Variants in ZFR2 observed in about 807,000 individuals in gnomAD.
ZFR2 encodes the protein zinc finger RNA-binding protein 2.
ZFR2 carries 104 observed loss-of-function variants against 105.7 expected under a neutral mutation model. That is an observed-to-expected ratio of 0.98 (90% CI 0.84 to 1.16). ZFR2 has a LOEUF of 1.16. Among genes scored for constraint, ZFR2 ranks in the 50% most tolerant of loss-of-function variants. The probability of loss-of-function intolerance (pLI) is 0.00; values close to 1 mark genes in which losing one functional copy is unlikely to be tolerated. For missense variants in ZFR2, 1,425 were observed against 1,355.5 expected, an observed-to-expected ratio of 1.05 and a Z score of -0.80; for synonymous variants, 634 against 597.7, an observed-to-expected ratio of 1.06 and a Z score of -0.89.
chr19:3,817,762 G>A (rs5826827), intron 12 of ZFR2, among the ~76,000 whole-genome samples: 29,882 of 59,946 alleles, frequency 0.5, 5,615 homozygotes, highest in East Asian at 0.67. Flanking sequence ...TCTCAAAAAA[G>A]AAAAAAAAAA....
chr19:3,821,358 C>T lies in ZFR2; in HGVS notation c.1613G>A (p.Arg538His), dbSNP rs760382503. 5.6e-6 allele frequency: 9 copies of T among 1,601,242 alleles called. No individual in the cohort carries two copies. The highest frequency in any genetic ancestry group is 4.5e-5 in the South Asian group (4 of 89,752). ...CGGGCACCTCCTCTCCGCGTGCCAG[C>T]GCCGCAGCTGCTCCAGCCGCTCCTC... ...LAEERLEQLR[R>H]WHAERRRLEE... Residue 538 changes from arginine to histidine, a missense_variant, in exon 10 of 19, where the codon CGC (arginine) becomes CAC (histidine). Transcript: ENST00000262961.
chr19:3,852,376 G>C, intron 1 of ZFR2: 1 of 667,074 alleles, frequency 1.5e-6, no homozygotes. Context: ...TCTGCCCCTG[G>C]AGGGCAGCTA....
In ZFR2 at chr19:3,834,876, G is replaced by A. The variant is rs778392661; in HGVS notation, c.161C>T (p.Pro54Leu). 88 of 1,611,556 alleles carry A rather than the reference G, an allele frequency of 5.5e-5. No individual in the cohort carries two copies. The highest frequency in any genetic ancestry group is 7.0e-5 in the Non-Finnish European group (82 of 1,179,020). ...GGGCTGGTATCCACCGTACCCTGCC[G>A]GGGCAGCTGGGGGAAAGGCCGGGTT... is the stretch of plus-strand genomic sequence containing the variant. ...AVNPAFPPAA[P>L]AGYGGYQPHS... is the part of the protein sequence containing the mutation. The change falls in exon 2 of 19, where the codon CCG becomes CTG. Residue 54 changes from proline (P) to leucine (L), a missense_variant. Coordinates refer to ENST00000262961, the MANE Select transcript of ZFR2 (RefSeq NM_015174.2). This position sits in a 1 kb window ranked among gnomAD's most constrained non-coding sequence, Gnocchi z 5.3.
rs749095590 is a variant in ZFR2, at chr19:3,831,754, G to T, written c.504C>A (p.Tyr168Ter). 1.2e-6 allele frequency: 2 copies of T among 1,609,502 alleles called. No homozygotes were observed. Among genetic ancestry groups the T allele is most frequent in the Non-Finnish European group, 1.7e-6 (2 of 1,178,426 alleles). ...CGGGCTGGACGCCTGTCGCCGTGGG[G>T]TAGGTGTATCCCGAGGACAAGGTGC... is the stretch of plus-strand genomic sequence containing the variant. ...PASTLSSGYT[Y>*]PTATGVQPES... The change falls in exon 4 of 19, where the codon TAC (tyrosine) becomes TAA (stop). Residue 168 changes from tyrosine (Y) to a stop codon, truncating the protein, a stop_gained. Coordinates refer to ENST00000262961, the MANE Select transcript of ZFR2 (RefSeq NM_015174.2). LOFTEE classifies it high-confidence loss of function.
At chr19:3,852,498 C>G (rs1238136333) in intron 1 of ZFR2, 5 of 718,480 alleles carry the variant, frequency 7.0e-6, no homozygotes, top group Non-Finnish European at 1.3e-5. Context: ...GCAGGCAAGG[C>G]CTCTTAAGCT....
chr19:3,834,890 AAAGGCCG>A lies in ZFR2; in HGVS notation c.140_146del (p.Pro47LeufsTer70). On this transcript the variant is annotated frameshift_variant, in exon 2 of 19. Coordinates refer to ENST00000262961, the MANE Select transcript of ZFR2 (RefSeq NM_015174.2). LOFTEE classifies it high-confidence loss of function. The surrounding 1 kb of genome is among the most constrained non-coding windows in gnomAD (Gnocchi z 5.3). ...CGTACCCTGCCGGGGCAGCTGGGGGAAAGGCCGGGTTCACGGCAGGGTCCATCCCAGG... is the reference window on the plus strand; with the variant it reads ...CGTACCCTGCCGGGGCAGCTGGGGGAGGTTCACGGCAGGGTCCATCCCAGG... 6.2e-7 allele frequency: 1 copy of A among 1,611,820 alleles called. No homozygotes were observed. The highest frequency in any genetic ancestry group is 1.1e-5 in the South Asian group (1 of 90,704).
chr19:3,817,246 T>C (rs1031328729), intron 12 of ZFR2, among the ~76,000 whole-genome samples: 32 of 152,138 alleles, frequency 2.1e-4, no homozygotes, highest in African/African-American at 7.0e-4. Flanking sequence ...CTGCTCTTGC[T>C]TCACGGGGGT....
Position 3,808,885 on chromosome 19 carries a change from C to A in ZFR2, c.2532G>T (p.Gly844=), listed in dbSNP as rs1440865861. 6.4e-7 allele frequency: 1 copy of A among 1,553,578 alleles called. No individual in the cohort carries two copies. Among genetic ancestry groups the A allele is most frequent in the Non-Finnish European group, 8.7e-7 (1 of 1,151,354 alleles). Residue 844 remains glycine, a synonymous_variant, in exon 17 of 19, where the codon GGG becomes GGT. Coordinates refer to ENST00000262961, the MANE Select transcript of ZFR2 (RefSeq NM_015174.2). ...VRRVLECVAT[G]TLLTDGPGLQ... ...CCAGCGACTGACCTGTCAGGAGCGT[C>A]CCTGTGGCCACGCACTCCAGGACTC...
intron 18 of ZFR2, 121 bp from the exon 19 acceptor site, chr19:3,806,246 G>A (rs530226726): frequency 2.3e-5 from 26 of 1,112,222 alleles, no homozygotes; most frequent in Non-Finnish European, 2.7e-5. Context: ...TGTATCCCTC[G>A]AGATAGCCCC....
intron 1 of ZFR2, among the ~76,000 whole-genome samples, chr19:3,865,661 T>C (rs1442008077): frequency 6.6e-6 from 1 of 152,092 alleles, no homozygotes; most frequent in Admixed American, 6.6e-5. Context: ...CCTGGCCTGG[T>C]TATCAATTTT....
At position 3,807,257 on chromosome 19, in the gene ZFR2, A is replaced by G; in HGVS notation, c.2558T>C (p.Leu853Pro). 2 of 1,556,962 alleles carry G rather than the reference A, an allele frequency of 1.3e-6. No individual in the cohort carries two copies. Among genetic ancestry groups the G allele is most frequent in the African/African-American group, 1.4e-5 (1 of 73,466 alleles). ...TGTLLTDGPG[L>P]QDPCERDQTD... ...CTGGTCTCTCTCGCAGGGATCCTGG[A>G]GCCCGGGCCCGTCTTTGTGACGGGG... Residue 853 changes from leucine to proline, a missense_variant, in exon 18 of 19, where the codon CTC becomes CCC. Transcript: ENST00000262961.
rs1859358 is a variant in ZFR2 at position 3,813,457 on chromosome 19, A to G, written c.2242+363T>C. On this transcript the variant is annotated intron_variant, in intron 14 of 18. Coordinates refer to ENST00000262961, the MANE Select transcript of ZFR2 (RefSeq NM_015174.2). The surrounding 1 kb of genome is among the most constrained non-coding windows in gnomAD (Gnocchi z 4.4). ...AGAGTCAAACTGAGCTTCTGCCGTG[A>G]CCCAGGGGAAATGGCTCAGACCTGT... Among the ~76,000 whole-genome samples, 4,990 of 152,140 alleles carry G rather than the reference A, an allele frequency of 0.033. 281 individuals carry two copies. The highest frequency in any genetic ancestry group is 0.11 in the African/African-American group (4,726 of 41,484).
chr19:3,809,916 C>G (rs772513001), intron 16 of ZFR2, among the ~76,000 whole-genome samples: 13 of 152,136 alleles, frequency 8.5e-5, no homozygotes, highest in Non-Finnish European at 1.3e-4. Context: ...TGCACTCCAG[C>G]CTGGGCAACA....
rs763116693 is a variant in ZFR2, at chr19:3,838,090, C to T, written c.54-3107G>A. 4.0e-5 allele frequency among the ~76,000 whole-genome samples: 6 copies of T among 150,016 alleles called. No individual in the cohort carries two copies. Among genetic ancestry groups the T allele is most frequent in the African/African-American group, 9.9e-5 (4 of 40,598 alleles). ...TGATGAACACCATGACCGTGACACG[C>T]GATGAACACCGTGACCGTGACACTC... On this transcript the variant is annotated intron_variant, in intron 1 of 18. Coordinates refer to ENST00000262961, the MANE Select transcript of ZFR2 (RefSeq NM_015174.2). This position sits in a 1 kb window ranked among gnomAD's most constrained non-coding sequence, Gnocchi z 4.9.
In ZFR2 at chr19:3,823,225, G is replaced by A. The variant is rs1215775013; in HGVS notation, c.1371+21C>T. On this transcript the variant is annotated intron_variant, in intron 8 of 18. Coordinates refer to ENST00000262961, the MANE Select transcript of ZFR2 (RefSeq NM_015174.2). This position sits in a 1 kb window ranked among gnomAD's most constrained non-coding sequence, Gnocchi z 5.4. ...GGTCCTTCCCTGACCGGGGCACCAG[G>A]ACTTGACAGCCTCGACTTACCTCCT... The A allele has an allele frequency of 6.2e-7, 1 of 1,613,674 alleles. No individual in the cohort carries two copies. The highest frequency in any genetic ancestry group is 1.3e-5 in the African/African-American group (1 of 74,922).
chr19:3,818,908 T>C (rs1599225756), intron 12 of ZFR2, 137 bp downstream of exon 12: 2 of 1,106,728 alleles, frequency 1.8e-6, no homozygotes, highest in Admixed American at 2.9e-5. Context: ...TTCCTACTCC[T>C]GGGGCTGGAA....
In ZFR2 at chr19:3,813,011, C is replaced by T. The variant is rs372775692; in HGVS notation, c.2242+809G>A. On this transcript the variant is annotated intron_variant, in intron 14 of 18. Coordinates refer to ENST00000262961, the MANE Select transcript of ZFR2 (RefSeq NM_015174.2). This position sits in a 1 kb window ranked among gnomAD's most constrained non-coding sequence, Gnocchi z 4.4. ...AGGAGAATCGCTTGAACCCAGGCGG[C>T]GGAAGTTGCAGTGAGCTGAGATTGC... Among the ~76,000 whole-genome samples the T allele has an allele frequency of 3.7e-4, 57 of 152,212 alleles. No individual in the cohort carries two copies. Among genetic ancestry groups the T allele is most frequent in the South Asian group, 2.5e-3 (12 of 4,814 alleles).
chr19:3,846,086 C>T (rs943893208), intron 1 of ZFR2, among the ~76,000 whole-genome samples: 5 of 152,246 alleles, frequency 3.3e-5, no homozygotes, highest in Admixed American at 2.0e-4. Context: ...AAGTGATTCT[C>T]CAGCTTCAGT....
chr19:3,827,610 TC>T lies in ZFR2; in HGVS notation c.895del (p.Glu299ArgfsTer128). ...CTGCACGCCTGTCTTCTGGGCCGCC[TC>T]CTTCTTTCTGTGCTTCTGCCCTCCC... is the stretch of plus-strand genomic sequence containing the variant. ...HLGGQKHRKK[E>X]AAQKTGVQPN... On this transcript the variant is annotated frameshift_variant, in exon 6 of 19. Transcript: ENST00000262961. LOFTEE classifies it high-confidence loss of function. 6.3e-7 allele frequency: 1 copy of T among 1,582,636 alleles called. No individual in the cohort carries two copies. Among genetic ancestry groups the T allele is most frequent in the Middle Eastern group, 1.7e-4 (1 of 6,020 alleles).
Sources: gnomAD v4.1 joint callset for allele counts (sites outside exome capture counted in the v4.1 genomes callset) on GRCh38, gnomAD v4.1.1 for gene constraint, Gnocchi (gnomAD v3.1) non-coding constraint, MANE v1.5 for transcripts, NCBI Gene and HGNC (gene_info 2026-07-23, HGNC 2026-07-21) for gene names.